Variants in ADAMTSL1 observed in about 807,000 individuals in gnomAD.
ADAMTSL1 encodes ADAMTS like 1, also known as ADAMTS-like protein 1.
Under a neutral mutation model 201.8 loss-of-function variants are expected in ADAMTSL1, and 126 were observed. The ratio of observed to expected loss-of-function variants is 0.62; its 90% CI spans 0.54 to 0.72. The LOEUF is 0.72. ADAMTSL1 is among the 30% of genes least tolerant of loss of function. The pLI is 0.00. For synonymous variants in ADAMTSL1, 1,121 were observed against 903.4 expected (o/e 1.24, Z -4.32); for missense variants, 2,679 against 2,277.8 (o/e 1.18, Z -3.59).
chr9:18,065,635 C>G (rs1291892013), intron 1 of ADAMTSL1, among the ~76,000 whole-genome samples: 3 of 152,134 alleles, frequency 2.0e-5, no homozygotes, highest in Non-Finnish European at 4.4e-5. Context: ...GTTGTCTGCC[C>G]AAGTCTCTGT....
chr9:18,563,334 A>G, intron 3 of ADAMTSL1, among the ~76,000 whole-genome samples: 1 of 152,182 alleles, frequency 6.6e-6, no homozygotes, highest in South Asian at 2.1e-4. Context: ...GGGTATCGGC[A>G]GCGGAGGCTA....
rs543890462 is a variant in ADAMTSL1 at position 18,454,232 on chromosome 9, A to T, written c.208-50597A>T. On this transcript the variant is annotated intron_variant, in intron 2 of 29. Coordinates refer to the ADAMTSL1 transcript ENST00000680146. ...CCAGGGGGCTGATGGTGTAAATCAT[A>T]TAATCCCAAGGCTGGAGAAGCTAGA... is the stretch of plus-strand genomic sequence containing the variant. Among the ~76,000 whole-genome samples the T allele has an allele frequency of 6.0e-4, 92 of 152,324 alleles. 2 individuals are homozygous for T. In the South Asian group the frequency reaches 0.019, roughly 31 times the overall value.
intron 2 of ADAMTSL1, among the ~76,000 whole-genome samples, chr9:18,251,876 G>A (rs1054320936): frequency 2.6e-5 from 4 of 152,016 alleles, no homozygotes; most frequent in African/African-American, 9.7e-5. Context: ...GAAAAATTTG[G>A]TTCAACTAAA....
intron 1 of ADAMTSL1, among the ~76,000 whole-genome samples, chr9:18,005,419 GCTT>G (rs966395185): frequency 1.3e-5 from 2 of 151,998 alleles, no homozygotes; most frequent in African/African-American, 4.8e-5. Flanking sequence ...AGCACAACTT[GCTT>G]TCATTTAACA....
At chr9:18,842,312 G>C (rs1825772150) in intron 23 of ADAMTSL1, among the ~76,000 whole-genome samples, 1 of 152,046 alleles carries the variant, frequency 6.6e-6, no homozygotes, top group Non-Finnish European at 1.5e-5. Context: ...AGTCATTCAG[G>C]AGCAGGTTGT....
At chr9:18,640,561 G>C (rs1350702787) in intron 7 of ADAMTSL1, among the ~76,000 whole-genome samples, 1 of 151,972 alleles carries the variant, frequency 6.6e-6, no homozygotes, top group Non-Finnish European at 1.5e-5. Flanking sequence ...CTATCCAGTT[G>C]CCTTCTGCAC....
intron 8 of ADAMTSL1, among the ~76,000 whole-genome samples, chr9:18,659,623 TG>T (rs1828935043): frequency 6.6e-6 from 1 of 151,984 alleles, no homozygotes; most frequent in African/African-American, 2.4e-5. Flanking sequence ...AAAAATTAGC[TG>T]GGTGTGGTGG....
intron 1 of ADAMTSL1, among the ~76,000 whole-genome samples, chr9:17,976,581 A>T (rs11790013): frequency 1.3e-5 from 2 of 151,196 alleles, no homozygotes; most frequent in Non-Finnish European, 2.9e-5. Context: ...CTGTATGTTG[A>T]TTTTGTATCT....
At chr9:18,416,258 A>G (rs1818672326) in intron 2 of ADAMTSL1, among the ~76,000 whole-genome samples, 1 of 152,044 alleles carries the variant, frequency 6.6e-6, no homozygotes, top group South Asian at 2.1e-4. Flanking sequence ...CATGAGAGCT[A>G]TTGTGATATC....
intron 1 of ADAMTSL1, among the ~76,000 whole-genome samples, chr9:18,107,418 A>C (rs1824805923): frequency 1.3e-5 from 2 of 152,204 alleles, no homozygotes; most frequent in Non-Finnish European, 2.9e-5. Flanking sequence ...CATGAAGCTG[A>C]AACAAAACTG....
intron 3 of ADAMTSL1, among the ~76,000 whole-genome samples, chr9:18,565,298 A>G (rs118185499): frequency 4.6e-5 from 7 of 152,328 alleles, no homozygotes; most frequent in Non-Finnish European, 1.0e-4. Flanking sequence ...AGAGTTCCAT[A>G]TTATTTTCAA....
At position 18,892,533 on chromosome 9, in the gene ADAMTSL1, T is replaced by A; in HGVS notation, c.4788T>A (p.Pro1596=). Residue 1596 remains proline, a synonymous_variant, in exon 26 of 29, where the codon CCT becomes CCA. Transcript: ENST00000380548. ...NDMCTQVAKR[P]VDTQACNQQL... ...TGTGCACCCAGGTCGCCAAGCGGCC[T>A]GTGGACACCCAGGCCTGTAACCAGC... 6.3e-7 allele frequency: 1 copy of A among 1,588,484 alleles called. No homozygotes were observed. The highest frequency in any genetic ancestry group is 8.6e-7 in the Non-Finnish European group (1 of 1,167,338).
chr9:18,487,151 G>T (rs1822039281), intron 1 of ADAMTSL1, among the ~76,000 whole-genome samples: 1 of 152,074 alleles, frequency 6.6e-6, no homozygotes, highest in African/African-American at 2.4e-5. Flanking sequence ...TAAAAAACAT[G>T]ATTTGAAAAA....
chr9:18,106,807 G>A (rs1214182068), intron 1 of ADAMTSL1, among the ~76,000 whole-genome samples: 1 of 152,192 alleles, frequency 6.6e-6, no homozygotes, highest in Non-Finnish European at 1.5e-5. Context: ...TTTTAGATGA[G>A]GTTCTAGCCA....
Position 18,817,064 on chromosome 9 carries a change from C to A in ADAMTSL1, c.3806-45C>A, listed in dbSNP as rs1370491908. ...TATTTCAAAGGAGTGCCCCAATTTCCACAGTCACCACCAAGTAACATCTCA... is the reference window on the plus strand; with the variant it reads ...TATTTCAAAGGAGTGCCCCAATTTCAACAGTCACCACCAAGTAACATCTCA... On this transcript the variant is annotated intron_variant, in intron 20 of 28. Transcript: ENST00000380548. 13 of 1,597,640 alleles carry A rather than the reference C, an allele frequency of 8.1e-6. No individual in the cohort carries two copies. In the Middle Eastern group the frequency reaches 5.0e-4, roughly 61 times the overall value.
At chr9:18,369,064 G>A (rs1217505777) in intron 2 of ADAMTSL1, among the ~76,000 whole-genome samples, 1 of 152,170 alleles carries the variant, frequency 6.6e-6, no homozygotes, top group Non-Finnish European at 1.5e-5. Context: ...ACTGTGTAAT[G>A]TTATAGGGTA....
At chr9:17,997,247 T>G (rs1209156848) in intron 1 of ADAMTSL1, among the ~76,000 whole-genome samples, 1 of 152,032 alleles carries the variant, frequency 6.6e-6, no homozygotes, top group East Asian at 1.9e-4. Flanking sequence ...GAATGGAAAG[T>G]TTTTGGTTAA....
intron 2 of ADAMTSL1, among the ~76,000 whole-genome samples, chr9:18,315,112 C>T (rs147394545): frequency 0.018 from 2,716 of 152,110 alleles, 72 homozygotes; most frequent in African/African-American, 0.063. Flanking sequence ...CTGATTGGTC[C>T]GTTTTACAGA....
intron 7 of ADAMTSL1, among the ~76,000 whole-genome samples, chr9:18,644,957 C>A (rs892039221): frequency 6.6e-6 from 1 of 151,786 alleles, no homozygotes; most frequent in Non-Finnish European, 1.5e-5. Flanking sequence ...CCTGAGGAAT[C>A]GCCACACTGA....
Sources: allele counts gnomAD v4.1 joint callset (sites outside exome capture counted in the v4.1 genomes callset), GRCh38; gene constraint gnomAD v4.1.1; transcripts MANE v1.5; gene names NCBI Gene and HGNC (gene_info 2026-07-23, HGNC 2026-07-21).